Variants in PLXNA4 observed in about 807,000 individuals in gnomAD.
PLXNA4 encodes plexin-A4.
PLXNA4 carries 44 observed loss-of-function variants against 191.8 expected under a neutral mutation model. The observed-to-expected ratio is 0.23, with a 90% CI of 0.18 to 0.29. The LOEUF (loss-of-function observed/expected upper bound fraction) is 0.29, where lower values mean the gene tolerates loss of function less well. PLXNA4 is among the 10% of genes least tolerant of loss of function. PLXNA4 has a pLI of 1.00. For synonymous variants in PLXNA4, 1,082 were observed against 1,009.5 expected, an observed-to-expected ratio of 1.07 and a Z score of -1.36; for missense variants, 1,800 against 2,488.8, an observed-to-expected ratio of 0.72 and a Z score of 5.89.
intron 3 of PLXNA4, among the ~76,000 whole-genome samples, chr7:132,439,262 G>A (rs1795594408): frequency 6.6e-6 from 1 of 152,148 alleles, no homozygotes; most frequent in African/African-American, 2.4e-5. Flanking sequence ...TGCAACCATA[G>A]AGTCCCGCCC....
At chr7:132,316,237 A>G (rs1801940081) in intron 3 of PLXNA4, among the ~76,000 whole-genome samples, 1 of 152,174 alleles carries the variant, frequency 6.6e-6, no homozygotes, top group Non-Finnish European at 1.5e-5. Flanking sequence ...GGTGGATTTT[A>G]TTGAATCGTC....
chr7:132,320,672 T>C (rs974698833), intron 3 of PLXNA4, among the ~76,000 whole-genome samples: 3 of 152,132 alleles, frequency 2.0e-5, no homozygotes, highest in Non-Finnish European at 2.9e-5. Flanking sequence ...ATAAAGCTTT[T>C]GCTCTTGGTG....
intron 5 of PLXNA4, among the ~76,000 whole-genome samples, chr7:132,230,359 AG>A (rs887399040): frequency 1.3e-5 from 2 of 152,294 alleles, no homozygotes; most frequent in South Asian, 2.1e-4. Flanking sequence ...TCATATCCTT[AG>A]GGCAATTCAA....
intron 21 of PLXNA4, among the ~76,000 whole-genome samples, chr7:132,172,843 G>A (rs964538673): frequency 6.6e-6 from 1 of 152,020 alleles, no homozygotes; most frequent in African/African-American, 2.4e-5. Flanking sequence ...GAAGAAAGGA[G>A]AATAACTTTA....
intron 11 of PLXNA4, 27 bp from the exon 12 acceptor site, chr7:132,202,863 G>T (rs200437075): frequency 4.0e-6 from 6 of 1,513,068 alleles, no homozygotes; most frequent in Admixed American, 2.1e-5. Context: ...CAAGGACAAG[G>T]GGTGCTTGGG....
chr7:132,467,607 G>T (rs1355085416), intron 3 of PLXNA4, among the ~76,000 whole-genome samples: 2 of 152,188 alleles, frequency 1.3e-5, no homozygotes, highest in African/African-American at 4.8e-5. Context: ...CAGTTCAAAG[G>T]TGGGAAATTA....
intron 2 of PLXNA4, among the ~76,000 whole-genome samples, chr7:132,586,630 G>T (rs1238372638): frequency 1.3e-5 from 2 of 152,170 alleles, no homozygotes; most frequent in Non-Finnish European, 2.9e-5. Flanking sequence ...GTGGGCACCT[G>T]TAGTCCCAGC....
chr7:132,360,072 T>A (rs1376998731), intron 3 of PLXNA4, among the ~76,000 whole-genome samples: 1 of 152,344 alleles, frequency 6.6e-6, no homozygotes, highest in East Asian at 1.9e-4. Flanking sequence ...GTTTAACAAA[T>A]ATATTCCCTT....
Position 132,258,383 on chromosome 7 carries a change from G to T in PLXNA4, c.1504-17217C>A, listed in dbSNP as rs541553245. ...CTGCTTTCATTCTTTATCAGAAATT[G>T]CCTAGTGGGCTCTCTCTCACTCATA... On this transcript the variant is annotated intron_variant, in intron 4 of 31. Transcript: ENST00000321063. 6.6e-5 allele frequency among the ~76,000 whole-genome samples: 10 copies of T among 152,302 alleles called. No individual in the cohort carries two copies. The South Asian group carries it at 2.1e-3, about 32-fold the overall frequency.
intron 26 of PLXNA4, among the ~76,000 whole-genome samples, chr7:132,148,323 C>T (rs978761952): frequency 6.6e-6 from 1 of 152,186 alleles, no homozygotes. Flanking sequence ...GGGGACTCTG[C>T]CCATGCCCTG....
intron 3 of PLXNA4, among the ~76,000 whole-genome samples, chr7:132,402,532 G>A (rs1457587777): frequency 1.3e-5 from 2 of 152,160 alleles, no homozygotes; most frequent in Admixed American, 1.3e-4. Context: ...GCAGTGTGCT[G>A]CTGCAGGCTG....
intron 2 of PLXNA4, among the ~76,000 whole-genome samples, chr7:132,615,161 G>A (rs996663391): frequency 6.6e-6 from 1 of 152,218 alleles, no homozygotes; most frequent in African/African-American, 2.4e-5. Context: ...GGGCGGGAAG[G>A]GAGGAATCTG....
rs556871008 is a variant in PLXNA4 at position 132,529,057 on chromosome 7, T to C, written c.-86-20278A>G. 8.9e-4 allele frequency among the ~76,000 whole-genome samples: 136 copies of C among 152,322 alleles called. 2 individuals carry two copies. The highest frequency in any genetic ancestry group is 1.7e-3 in the Non-Finnish European group (113 of 68,032). On this transcript the variant is annotated intron_variant, in intron 1 of 31. Transcript: ENST00000321063. Reference sequence around the variant, plus strand: ...CAGCAATGAATAAGATGGCATTTTATCTTAAATATCAATATCCTTGGGACT... The same window carrying C: ...CAGCAATGAATAAGATGGCATTTTACCTTAAATATCAATATCCTTGGGACT...
At chr7:132,455,628 C>T (rs752751179) in intron 3 of PLXNA4, among the ~76,000 whole-genome samples, 4 of 152,116 alleles carry the variant, frequency 2.6e-5, no homozygotes, top group African/African-American at 7.2e-5. Flanking sequence ...GAGAATCCTC[C>T]GTTTGCATTC....
chr7:132,542,506 A>G (rs1800128385), intron 1 of PLXNA4, among the ~76,000 whole-genome samples: 1 of 152,224 alleles, frequency 6.6e-6, no homozygotes, highest in Non-Finnish European at 1.5e-5. Flanking sequence ...TAACCTGCTT[A>G]GAGTTTACAG....
At chr7:132,483,723 A>G (rs1184245756) in intron 3 of PLXNA4, among the ~76,000 whole-genome samples, 2 of 152,236 alleles carry the variant, frequency 1.3e-5, no homozygotes, top group Non-Finnish European at 2.9e-5. Flanking sequence ...TGGCACACGT[A>G]TCAATAAATC....
At chr7:132,265,345 T>G (rs562418977) in intron 4 of PLXNA4, among the ~76,000 whole-genome samples, 1 of 152,208 alleles carries the variant, frequency 6.6e-6, no homozygotes, top group Admixed American at 6.5e-5. Context: ...TTGTTAAGTG[T>G]CTATCCCAAG....
chr7:132,435,833 C>T (rs1795450791), intron 3 of PLXNA4, among the ~76,000 whole-genome samples: 1 of 152,186 alleles, frequency 6.6e-6, no homozygotes, highest in South Asian at 2.1e-4. Context: ...CCCTACAAAG[C>T]TCTAAGCTTT....
At chr7:132,376,875 G>A (rs191549475) in intron 3 of PLXNA4, among the ~76,000 whole-genome samples, 59 of 152,258 alleles carry the variant, frequency 3.9e-4, no homozygotes, top group African/African-American at 9.6e-4. Context: ...GTCAACCTTC[G>A]GTGCCAGGCA....
Sources: gnomAD v4.1 joint callset for allele counts (sites outside exome capture counted in the v4.1 genomes callset) on GRCh38, gnomAD v4.1.1 for gene constraint, MANE v1.5 for transcripts, NCBI Gene and HGNC (gene_info 2026-07-23, HGNC 2026-07-21) for gene names.